The following HRH4 variants were observed in gnomAD, a reference collection of about 807,000 sequenced individuals.
The protein encoded by HRH4 is histamine H4 receptor.
A neutral mutation model predicts 10.4 loss-of-function variants in HRH4; 12 were observed. The observed-to-expected ratio is 1.15, with a 90% confidence interval of 0.74 to 1.87. The LOEUF is 1.87. Ranked by LOEUF, HRH4 falls within the 40% of genes most tolerant of loss-of-function variation. The pLI, the probability that HRH4 is intolerant of heterozygous loss-of-function variation, is 0.00. For missense variants in HRH4, 415 were observed against 453.3 expected (o/e 0.92, Z 0.77); for synonymous variants, 154 against 166.6 (o/e 0.92, Z 0.58).
chr18:24,461,044 T>C, intron 1 of HRH4, 123 bp downstream of exon 1: 5 of 697,422 alleles, frequency 7.2e-6, no homozygotes, highest in Non-Finnish European at 1.1e-5. Context: ...ACACAAAAAG[T>C]TTAAGTATTA....
chr18:24,460,791 T>A lies in HRH4; in HGVS notation c.63T>A (p.Phe21Leu), dbSNP rs756709978. 5.8e-6 allele frequency: 9 copies of A among 1,565,090 alleles called. No homozygotes were observed. Among genetic ancestry groups the A allele is most frequent in the South Asian group, 1.2e-5 (1 of 83,756 alleles). Residue 21 changes from phenylalanine to leucine, a missense_variant, in exon 1 of 3, where the codon TTT becomes TTA. Transcript: ENST00000256906. ...GCACTCGTGTTACTTTAGCATTTTT[T>A]ATGTCCTTAGTAGCTTTTGCTATAA... ...SLSTRVTLAF[F>L]MSLVAFAIML...
intron 1 of HRH4, among the ~76,000 whole-genome samples, chr18:24,465,472 C>T (rs538412095): frequency 8.6e-5 from 13 of 151,996 alleles, no homozygotes; most frequent in South Asian, 2.1e-4. Context: ...AGTGGGACTG[C>T]GGAGGTGGGG....
At chr18:24,466,122 T>C (rs1909767783) in intron 1 of HRH4, among the ~76,000 whole-genome samples, 1 of 151,512 alleles carries the variant, frequency 6.6e-6, no homozygotes, top group South Asian at 2.1e-4. Flanking sequence ...TATATATTTA[T>C]TTATTTTTGA....
rs1910256319 is a variant in HRH4 at position 24,479,627 on chromosome 18, A to G, written c.*2065A>G. The G allele has an allele frequency of 6.6e-6, 1 of 152,136 alleles. No homozygotes were observed. Among genetic ancestry groups the G allele is most frequent in the Non-Finnish European group, 1.5e-5 (1 of 68,026 alleles). 9.4% of individuals were successfully genotyped at this position (152,136 alleles called of 1,614,324 possible). The stretch of plus-strand genomic sequence containing the variant: ...CCACGCCCCACTAAAAATTTTTTAA[A>G]TTGTTGCCTTTCTTGAAGTGTTCTC... On this transcript the variant is annotated 3_prime_UTR_variant, in exon 3 of 3. Coordinates refer to ENST00000256906, the MANE Select transcript of HRH4 (RefSeq NM_021624.4).
At chr18:24,476,518 A>AAC (rs1910134035) in intron 2 of HRH4, among the ~76,000 whole-genome samples, 1 of 152,168 alleles carries the variant, frequency 6.6e-6, no homozygotes, top group Non-Finnish European at 1.5e-5. Flanking sequence ...GTATTCAGGG[A>AAC]TTTAACCTTG....
Position 24,460,832 on chromosome 18 carries a change from T to C in HRH4, c.104T>C (p.Leu35Ser). 2 of 1,591,450 alleles carry C rather than the reference T, an allele frequency of 1.3e-6. No individual in the cohort carries two copies. Among genetic ancestry groups the C allele is most frequent in the Admixed American group, 1.7e-5 (1 of 59,738 alleles). Residue 35 changes from leucine to serine, a missense_variant, in exon 1 of 3, where the codon TTG becomes TCG. Coordinates refer to ENST00000256906, the MANE Select transcript of HRH4 (RefSeq NM_021624.4). ...VAFAIMLGNALVILAFVVDKN... is the reference protein window; with the variant it reads ...VAFAIMLGNASVILAFVVDKN... ...TTTGCTATAATGCTAGGAAATGCTT[T>C]GGTCATTTTAGCTTTTGTGGTGGAC...
chr18:24,470,680 T>G (rs781621638), intron 2 of HRH4, among the ~76,000 whole-genome samples: 10 of 151,378 alleles, frequency 6.6e-5, no homozygotes, highest in African/African-American at 1.2e-4. Context: ...ATTTTTGTAT[T>G]TTTAGTAGAG....
rs1910169255 is a variant in HRH4 at position 24,477,293 on chromosome 18, G to A, written c.904G>A (p.Ala302Thr). Residue 302 changes from alanine to threonine, a missense_variant, in exon 3 of 3, where the codon GCC (alanine) becomes ACC (threonine). Transcript: ENST00000256906. ...HVELLRARRL[A>T]KSLAILLGVF... is the part of the protein sequence containing the mutation. Reference sequence around the variant, plus strand: ...TGAACTGCTTAGAGCCAGGAGATTAGCCAAGTCACTGGCCATTCTCTTAGG... The same window carrying A: ...TGAACTGCTTAGAGCCAGGAGATTAACCAAGTCACTGGCCATTCTCTTAGG... 1 of 1,614,050 alleles carries A rather than the reference G, an allele frequency of 6.2e-7. No individual in the cohort carries two copies. Among genetic ancestry groups the A allele is most frequent in the African/African-American group, 1.3e-5 (1 of 74,914 alleles).
intron 2 of HRH4, among the ~76,000 whole-genome samples, chr18:24,471,179 C>A (rs1171038764): frequency 6.6e-6 from 1 of 151,920 alleles, no homozygotes; most frequent in Non-Finnish European, 1.5e-5. Flanking sequence ...GAGTGCAGAT[C>A]AGCTTGGATT....
At chr18:24,467,179 G>A (rs547487610) in intron 1 of HRH4, among the ~76,000 whole-genome samples, 1 of 152,268 alleles carries the variant, frequency 6.6e-6, no homozygotes, top group Non-Finnish European at 1.5e-5. Flanking sequence ...GATGAAATGA[G>A]GTGACATTTG....
intron 1 of HRH4, among the ~76,000 whole-genome samples, 194 bp downstream of exon 1, chr18:24,461,115 G>T (rs1015728105): frequency 2.6e-5 from 4 of 152,276 alleles, no homozygotes; most frequent in Admixed American, 6.5e-5. Flanking sequence ...AATCAGTGTG[G>T]TAGGGGAATT....
At chr18:24,473,548 G>A (rs962750115) in intron 2 of HRH4, among the ~76,000 whole-genome samples, 2 of 152,120 alleles carry the variant, frequency 1.3e-5, no homozygotes, top group African/African-American at 2.4e-5. Context: ...ACGTGGTGTT[G>A]TCTCCCTGGG....
chr18:24,468,039 A>C (rs80046959), intron 1 of HRH4, among the ~76,000 whole-genome samples: 4,444 of 152,216 alleles, frequency 0.029, 217 homozygotes, highest in African/African-American at 0.1. Context: ...CTTAATTTGG[A>C]AAGTAGAAAG....
At position 24,460,932 on chromosome 18, in the gene HRH4, T is replaced by C. The variant is rs1206770446; in HGVS notation, c.193+11T>C. On this transcript the variant is annotated intron_variant, in intron 1 of 2. Coordinates refer to ENST00000256906, the MANE Select transcript of HRH4 (RefSeq NM_021624.4). ...CTGACTTCTTTGTGGGTAAGTTATA[T>C]GTCTTTATTTAAGACAGTCTTTTCC... 2.7e-6 allele frequency: 4 copies of C among 1,499,986 alleles called. No homozygotes were observed. The highest frequency in any genetic ancestry group is 1.4e-5 in the African/African-American group (1 of 71,958). The allele number at this position is 1,499,986 out of a possible 1,614,324, so 92.9% of individuals were successfully genotyped here.
intron 2 of HRH4, among the ~76,000 whole-genome samples, chr18:24,474,463 C>T (rs538586665): frequency 1.4e-4 from 22 of 152,178 alleles, no homozygotes; most frequent in Non-Finnish European, 3.1e-4. Flanking sequence ...GAGGTCTTCT[C>T]AGCCTGTAGG....
chr18:24,470,228 A>G (rs1909896334), intron 2 of HRH4, among the ~76,000 whole-genome samples: 1 of 152,204 alleles, frequency 6.6e-6, no homozygotes, highest in African/African-American at 2.4e-5. Flanking sequence ...ACAGTCCATG[A>G]AAGAGTGGAT....
chr18:24,471,120 G>A (rs543218268), intron 2 of HRH4, among the ~76,000 whole-genome samples: 11 of 151,806 alleles, frequency 7.2e-5, no homozygotes, highest in Admixed American at 1.3e-4. Context: ...CCTTAACATC[G>A]CATACTTCAT....
At position 24,468,944 on chromosome 18, in the gene HRH4, C is replaced by A. The variant is rs1379260154; in HGVS notation, c.350C>A (p.Ser117Ter). ...LISYDRYLSVSNAVSYRTQHT... is the reference protein window; with the variant it reads ...LISYDRYLSV ...AGCTATGATCGATACCTGTCAGTCT[C>A]AAATGCTGTAAGTCGAAACATTAAT... Residue 117 changes from serine to a stop codon, truncating the protein, a stop_gained, in exon 2 of 3, where the codon TCA (serine) becomes TAA (stop). Transcript: ENST00000256906. LOFTEE classifies it low-confidence loss of function (END_TRUNC). 1.9e-6 allele frequency: 3 copies of A among 1,600,358 alleles called. No individual in the cohort carries two copies. The African/African-American group carries it at 4.0e-5, about 22-fold the overall frequency.
intron 2 of HRH4, among the ~76,000 whole-genome samples, chr18:24,472,781 T>G (rs1910007737): frequency 6.6e-6 from 1 of 152,184 alleles, no homozygotes; most frequent in South Asian, 2.1e-4. Context: ...GAGGTGCAGA[T>G]TCCATGTGGC....
Sources: allele counts gnomAD v4.1 joint callset (sites outside exome capture counted in the v4.1 genomes callset), GRCh38; gene constraint gnomAD v4.1.1; transcripts MANE v1.5; gene names NCBI Gene and HGNC (gene_info 2026-07-23, HGNC 2026-07-21).